The following PLBD1 variants were observed in gnomAD, a reference collection of about 807,000 sequenced individuals.
PLBD1 encodes the protein phospholipase B domain containing 1, also known as lysosomal leucine aminopeptidase.
A neutral mutation model predicts 63.0 loss-of-function variants in PLBD1; 60 were observed. The observed-to-expected ratio is 0.95, with a 90% confidence interval of 0.77 to 1.18. The LOEUF is 1.18. Among genes scored for constraint, PLBD1 ranks in the 50% most tolerant of loss-of-function variants. The pLI, the probability that PLBD1 is intolerant of heterozygous loss-of-function variation, is 0.00. For missense variants in PLBD1, 598 were observed against 677.9 expected (o/e 0.88, Z 1.31); for synonymous variants, 262 against 248.0 (o/e 1.06, Z -0.53).
chr12:14,555,475 T>G (rs1945695620), intron 1 of PLBD1, among the ~76,000 whole-genome samples: 2 of 152,150 alleles, frequency 1.3e-5, no homozygotes, highest in East Asian at 3.9e-4. Flanking sequence ...AGGCAGAGGT[T>G]GCTGTGAACC....
chr12:14,515,141 C>T (rs1010222841), intron 6 of PLBD1, among the ~76,000 whole-genome samples: 49 of 152,298 alleles, frequency 3.2e-4, no homozygotes, highest in African/African-American at 1.2e-3. Flanking sequence ...ACTCAACACA[C>T]ACCATGGAAC....
Position 14,510,129 on chromosome 12 carries a change from A to T in PLBD1, c.1186+1131T>A, listed in dbSNP as rs12298447. Among the ~76,000 whole-genome samples the T allele has an allele frequency of 9.2e-3, 1,402 of 152,276 alleles. 17 individuals carry two copies. Among genetic ancestry groups the T allele is most frequent in the African/African-American group, 0.031 (1,302 of 41,550 alleles). On this transcript the variant is annotated intron_variant, in intron 8 of 10. Transcript: ENST00000240617. ...CTCTAAGAGGAAATAAAGACAATTTAAAAAAACAGGCTGGGCACCACAATT... is the reference window on the plus strand; with the variant it reads ...CTCTAAGAGGAAATAAAGACAATTTTAAAAAACAGGCTGGGCACCACAATT...
At position 14,540,941 on chromosome 12, in the gene PLBD1, T is replaced by C. The variant is rs1340046614; in HGVS notation, c.420-39A>G. 3 of 1,539,774 alleles carry C rather than the reference T, an allele frequency of 1.9e-6. No homozygotes were observed. The Admixed American group carries it at 5.2e-5, about 27-fold the overall frequency. On this transcript the variant is annotated intron_variant, in intron 3 of 10. Transcript: ENST00000240617. Reference sequence around the variant, plus strand: ...TAGATTTGCACCACAGTCTCAATAGTTGCTCATTCAAAGCTAAATCAAAGC... The same window carrying C: ...TAGATTTGCACCACAGTCTCAATAGCTGCTCATTCAAAGCTAAATCAAAGC...
At chr12:14,513,185 T>C (rs1945311628) in intron 6 of PLBD1, among the ~76,000 whole-genome samples, 1 of 152,206 alleles carries the variant, frequency 6.6e-6, no homozygotes. Context: ...TATTTTGATA[T>C]CTGACAAGGA....
chr12:14,526,956 G>T (rs543660729), intron 6 of PLBD1, among the ~76,000 whole-genome samples: 7 of 152,116 alleles, frequency 4.6e-5, no homozygotes, highest in Non-Finnish European at 1.0e-4. Flanking sequence ...TTGGCAACAA[G>T]AGCGAAACTC....
At chr12:14,507,171 A>T in intron 8 of PLBD1, 53 bp from the exon 9 acceptor site, 28 of 1,336,222 alleles carry the variant, frequency 2.1e-5, no homozygotes, top group Non-Finnish European at 2.8e-5. Flanking sequence ...AAGGAGACAG[A>T]AAAGGAGAGA....
At position 14,535,804 on chromosome 12, in the gene PLBD1, C is replaced by G. The variant is rs753053345; in HGVS notation, c.700-1G>C. 8 of 1,613,276 alleles carry G rather than the reference C, an allele frequency of 5.0e-6. No individual in the cohort carries two copies. The highest frequency in any genetic ancestry group is 6.8e-6 in the Non-Finnish European group (8 of 1,179,730). On this transcript the variant is annotated splice_acceptor_variant, in intron 5 of 10. Transcript: ENST00000240617. LOFTEE classifies it high-confidence loss of function. ...GGATGTTCTCAAATCCAGGAAGAAC[C>G]TACAGCCAGAATCATAGTGGATTAC...
chr12:14,550,888 A>G (rs1945653475), intron 2 of PLBD1, among the ~76,000 whole-genome samples: 1 of 151,140 alleles, frequency 6.6e-6, no homozygotes, highest in Admixed American at 6.6e-5. Context: ...CAAAAAAAAA[A>G]AAAAATTATT....
intron 8 of PLBD1, among the ~76,000 whole-genome samples, chr12:14,507,990 C>G (rs1251795992): frequency 6.6e-6 from 1 of 152,174 alleles, no homozygotes; most frequent in Non-Finnish European, 1.5e-5. Flanking sequence ...CCCTTTTCTG[C>G]CTTTCTCCTT....
rs1027106497 is a variant in PLBD1 at position 14,521,671 on chromosome 12, ACT to A, written c.845-9962_845-9961del. Reference sequence around the variant, plus strand: ...GCAAAAATCTTTTCCTATGATAACAACTCTATACAACTGGAAGAGGCATCCAT... The same window carrying A: ...GCAAAAATCTTTTCCTATGATAACAACTATACAACTGGAAGAGGCATCCAT... On this transcript the variant is annotated intron_variant, in intron 6 of 10. Coordinates refer to ENST00000240617, the MANE Select transcript of PLBD1 (RefSeq NM_024829.6). Among the ~76,000 whole-genome samples, 4 of 152,138 alleles carry A rather than the reference ACT, an allele frequency of 2.6e-5. No homozygotes were observed. The East Asian group carries it at 7.8e-4, about 29-fold the overall frequency.
chr12:14,521,864 A>G (rs1039184071), intron 6 of PLBD1, among the ~76,000 whole-genome samples: 8 of 152,318 alleles, frequency 5.3e-5, no homozygotes, highest in African/African-American at 1.7e-4. Context: ...AGGAAAATCA[A>G]TGAGATTCAA....
chr12:14,510,844 C>CA (rs778887212), intron 8 of PLBD1, among the ~76,000 whole-genome samples: 34 of 152,172 alleles, frequency 2.2e-4, no homozygotes, highest in Non-Finnish European at 4.6e-4. Flanking sequence ...TGAGTTCCTG[C>CA]AGCTGCTTTG....
At chr12:14,534,543 C>CTTTT (rs1286445435) in intron 6 of PLBD1, among the ~76,000 whole-genome samples, 4 of 137,826 alleles carry the variant, frequency 2.9e-5, no homozygotes, top group African/African-American at 5.6e-5. Context: ...CTTTTCTTTT[C>CTTTT]TTTTTTTTTT....
At chr12:14,523,632 T>C (rs993781869) in intron 6 of PLBD1, among the ~76,000 whole-genome samples, 1 of 152,114 alleles carries the variant, frequency 6.6e-6, no homozygotes, top group Non-Finnish European at 1.5e-5. Context: ...AAAATAGACA[T>C]ATATACTAAT....
intron 6 of PLBD1, among the ~76,000 whole-genome samples, chr12:14,525,753 A>C (rs572085615): frequency 1.3e-5 from 2 of 152,106 alleles, no homozygotes; most frequent in African/African-American, 2.4e-5. Context: ...AAAGACAGTA[A>C]GTTTTTAAGT....
At chr12:14,525,536 T>C (rs112587617) in intron 6 of PLBD1, among the ~76,000 whole-genome samples, 4 of 152,092 alleles carry the variant, frequency 2.6e-5, no homozygotes, top group African/African-American at 9.7e-5. Context: ...AAACATTAAT[T>C]TGCAGTTCCT....
Position 14,507,038 on chromosome 12 carries a change from C to T in PLBD1, c.1267G>A (p.Gly423Ser), listed in dbSNP as rs891870385. The T allele has an allele frequency of 6.8e-6, 11 of 1,613,858 alleles. No individual in the cohort carries two copies. Among genetic ancestry groups the T allele is most frequent in the Non-Finnish European group, 9.3e-6 (11 of 1,179,882 alleles). ...GCTAAATCATAAGAGTAGTCCAAGCCCAGCTTCTGAACTAACAGTGGATAG... is the reference window on the plus strand; with the variant it reads ...GCTAAATCATAAGAGTAGTCCAAGCTCAGCTTCTGAACTAACAGTGGATAG... Reference protein sequence around the residue: ...SGYPLLVQKLGLDYSYDLAPR... With the variant: ...SGYPLLVQKLSLDYSYDLAPR... Residue 423 changes from glycine (G) to serine (S), a missense_variant, in exon 9 of 11, where the codon GGC (glycine) becomes AGC (serine). Gly to Ser is a moderately conservative substitution (Grantham distance 56, BLOSUM62 0). Coordinates refer to ENST00000240617, the MANE Select transcript of PLBD1 (RefSeq NM_024829.6).
In PLBD1 at chr12:14,567,826, C is replaced by A; in HGVS notation, c.-130G>T. ...TCCGAGGTGGGGCGTCCTCAACTTT[C>A]CTCTTTCTTGAGCCCGGCCTGCTCC... On this transcript the variant is annotated 5_prime_UTR_variant, in exon 1 of 11. Transcript: ENST00000240617. 1 of 1,263,758 alleles carries A rather than the reference C, an allele frequency of 7.9e-7. No homozygotes were observed. The highest frequency in any genetic ancestry group is 1.0e-6 in the Non-Finnish European group (1 of 982,386). 78.3% of individuals were successfully genotyped at this position (1,263,758 alleles called of 1,614,324 possible). A position where few individuals can be genotyped will look rare whatever the true frequency, so the allele number is the denominator to read the frequency against.
chr12:14,553,512 A>T (rs1945677219), intron 1 of PLBD1, 100 bp from the exon 2 acceptor site: 2 of 950,032 alleles, frequency 2.1e-6, no homozygotes, highest in Non-Finnish European at 1.6e-6. Flanking sequence ...GCTTTTAAAG[A>T]TTTCCATTCT....
Sources: gnomAD v4.1 joint callset for allele counts (sites outside exome capture counted in the v4.1 genomes callset) on GRCh38, gnomAD v4.1.1 for gene constraint, MANE v1.5 for transcripts, NCBI Gene and HGNC (gene_info 2026-07-23, HGNC 2026-07-21) for gene names.